The following KRT3 variants were observed in gnomAD, a reference collection of about 807,000 sequenced individuals.
KRT3 encodes keratin 3, also known as keratin, type II cytoskeletal 3.
Under a neutral mutation model 45.8 loss-of-function variants are expected in KRT3, and 34 were observed. The observed-to-expected ratio is 0.74, with a 90% CI of 0.57 to 0.99. KRT3 has a LOEUF of 0.99. Ranked by LOEUF, KRT3 falls within the 50% of genes least tolerant of loss-of-function variation. The pLI is 0.00. For synonymous variants in KRT3, 367 were observed against 329.0 expected (o/e 1.12, Z -1.25); for missense variants, 828 against 820.6 (o/e 1.01, Z -0.11).
chr12:52,794,690 C>T (rs966063364), intron 1 of KRT3, among the ~76,000 whole-genome samples: 8 of 152,186 alleles, frequency 5.3e-5, no homozygotes, highest in East Asian at 1.9e-4. Flanking sequence ...TTTCCACCCA[C>T]GACTCTACTG....
chr12:52,789,774 C>G lies in KRT3; in HGVS notation c.*268G>C, dbSNP rs1939442044. On this transcript the variant is annotated 3_prime_UTR_variant, in exon 9 of 9. Transcript: ENST00000417996. ...TCAGAGCTGTAGTGAGCATCCCACCCAGGGAGGGGACTCCGGGGCAGCAGA... is the reference window on the plus strand; with the variant it reads ...TCAGAGCTGTAGTGAGCATCCCACCGAGGGAGGGGACTCCGGGGCAGCAGA... 2 of 600,758 alleles carry G rather than the reference C, an allele frequency of 3.3e-6. No individual in the cohort carries two copies. Among genetic ancestry groups the G allele is most frequent in the Admixed American group, 2.9e-5 (1 of 34,104 alleles). 37.2% of individuals were successfully genotyped at this position (600,758 alleles called of 1,614,324 possible). A position where few individuals can be genotyped will look rare whatever the true frequency, so the allele number is the denominator to read the frequency against.
rs754776557 is a variant in KRT3, at chr12:52,790,241, C to T, written c.1688G>A (p.Gly563Asp). The T allele has an allele frequency of 1.4e-5, 21 of 1,550,558 alleles. No individual in the cohort carries two copies. In the East Asian group the frequency reaches 4.6e-4, roughly 34 times the overall value. ...TCCACCGCCGCCTCCCCGGCCAAAG[C>T]CACTGCCTGAGCCGCCGCCCGCACT... ...GFSAGGGSGSGFGRGGGGGIG... is the reference protein window; with the variant it reads ...GFSAGGGSGSDFGRGGGGGIG... The change falls in exon 9 of 9, where the codon GGC becomes GAC. Residue 563 changes from glycine (G) to aspartate (D), a missense_variant. Physicochemically the swap from Gly to Asp is moderately conservative, Grantham distance 94. Coordinates refer to ENST00000417996, the MANE Select transcript of KRT3 (RefSeq NM_057088.3).
Position 52,790,205 on chromosome 12 carries a change from C to T in KRT3, c.1724G>A (p.Gly575Glu), listed in dbSNP as rs1012182608. 30 of 1,549,528 alleles carry T rather than the reference C, an allele frequency of 1.9e-5. No individual in the cohort carries two copies. The Admixed American group carries it at 5.9e-4, about 30-fold the overall frequency. The change falls in exon 9 of 9, where the codon GGA (glycine) becomes GAA (glutamate). Residue 575 changes from glycine to glutamate, a missense_variant. Coordinates refer to ENST00000417996, the MANE Select transcript of KRT3 (RefSeq NM_057088.3). ...GRGGGGGIGG[G>E]FGGGSSGFSG... ...GAAACCGCTGCTGCCGCCGCCAAAT[C>T]CACCGCCGATTCCACCGCCGCCTCC...
chr12:52,793,060 G>A (rs1245930802), intron 3 of KRT3, 103 bp downstream of exon 3: 22 of 887,718 alleles, frequency 2.5e-5, no homozygotes, highest in Non-Finnish European at 4.0e-5. Context: ...TTGCTCCAAA[G>A]GCCTGAACTT....
rs996934485 is a variant in KRT3, at chr12:52,790,974, C to G, written c.1536-102G>C. 7 of 1,326,042 alleles carry G rather than the reference C, an allele frequency of 5.3e-6. No individual in the cohort carries two copies. In the African/African-American group the frequency reaches 8.8e-5, roughly 17 times the overall value. 82.1% of individuals were successfully genotyped at this position (1,326,042 alleles called of 1,614,324 possible). Reference sequence around the variant, plus strand: ...TAGCAACCAGAGCTGAACAGAGAAGCCTGGCAAATCAGGTAAGCTTTCTCC... The same window carrying G: ...TAGCAACCAGAGCTGAACAGAGAAGGCTGGCAAATCAGGTAAGCTTTCTCC... On this transcript the variant is annotated intron_variant, in intron 7 of 8. Coordinates refer to ENST00000417996, the MANE Select transcript of KRT3 (RefSeq NM_057088.3).
intron 7 of KRT3, 127 bp downstream of exon 7, chr12:52,791,079 G>A: frequency 2.7e-6 from 4 of 1,461,260 alleles, no homozygotes; most frequent in African/African-American, 1.4e-5. Context: ...GCTGGTAGAG[G>A]CAAATGCTTC....
intron 1 of KRT3, 93 bp from the exon 2 acceptor site, chr12:52,794,424 G>GA (rs1939594204): frequency 2.3e-6 from 2 of 863,296 alleles, no homozygotes; most frequent in South Asian, 1.4e-5. Flanking sequence ...CTATCTCCTG[G>GA]GCCCCCAGCA....
intron 1 of KRT3, among the ~76,000 whole-genome samples, chr12:52,795,101 C>T (rs1421090732): frequency 6.6e-6 from 1 of 152,172 alleles, no homozygotes; most frequent in African/African-American, 2.4e-5. Flanking sequence ...CCTTGGGCTG[C>T]CTGCCCTGCC....
rs1939449646 is a variant in KRT3, at chr12:52,790,094, C to T, written c.1835G>A (p.Gly612Asp). 1.3e-6 allele frequency: 2 copies of T among 1,542,524 alleles called. No homozygotes were observed. Among genetic ancestry groups the T allele is most frequent in the African/African-American group, 1.4e-5 (1 of 72,974 alleles). ...GGAGGACTGGGAGAACTTGATGCTG[C>T]CGCCCCGGTTGCTGGCCGAGCTGAA... ...GGFSSASNRGGSIKFSQSSQS... is the reference protein window; with the variant it reads ...GGFSSASNRGDSIKFSQSSQS... Residue 612 changes from glycine to aspartate, a missense_variant, in exon 9 of 9, where the codon GGC becomes GAC. Transcript: ENST00000417996.
At chr12:52,793,100 T>C (rs549170183) in intron 3 of KRT3, 63 bp downstream of exon 3, 2 of 1,370,788 alleles carry the variant, frequency 1.5e-6, no homozygotes, top group Non-Finnish European at 2.1e-6. Context: ...AGTGAGGAGA[T>C]TCCCCCAACC....
chr12:52,795,840 A>T lies in KRT3; in HGVS notation c.203T>A (p.Ile68Asn), dbSNP rs201564104. 1 of 1,613,996 alleles carries T rather than the reference A, an allele frequency of 6.2e-7. No individual in the cohort carries two copies. The highest frequency in any genetic ancestry group is 1.7e-5 in the Admixed American group (1 of 60,006). The change falls in exon 1 of 9, where the codon ATC (isoleucine) becomes AAC (asparagine). Residue 68 changes from isoleucine to asparagine, a missense_variant. Coordinates refer to ENST00000417996, the MANE Select transcript of KRT3 (RefSeq NM_057088.3). ...YNLGGNKSIS[I>N]SVAAGGSRAG... Reference sequence around the variant, plus strand: ...CCGGGAGCCGCCAGCTGCCACGCTGATGGAGATGCTCTTGTTGCCGCCCAG... The same window carrying T: ...CCGGGAGCCGCCAGCTGCCACGCTGTTGGAGATGCTCTTGTTGCCGCCCAG...
chr12:52,790,723 C>T, intron 8 of KRT3, 115 bp downstream of exon 8: 1 of 982,622 alleles, frequency 1.0e-6, no homozygotes, highest in Non-Finnish European at 1.6e-6. Flanking sequence ...CTCTCCTCTC[C>T]CAGAAAACCC....
chr12:52,793,904 C>T (rs1040910655), intron 2 of KRT3, among the ~76,000 whole-genome samples: 4 of 152,170 alleles, frequency 2.6e-5, no homozygotes, highest in African/African-American at 9.7e-5. Flanking sequence ...AACTCATCCT[C>T]TTGCCACAAT....
chr12:52,791,649 C>T (rs1442022492), intron 6 of KRT3, 42 bp downstream of exon 6: 1 of 1,613,258 alleles, frequency 6.2e-7, no homozygotes, highest in African/African-American at 1.3e-5. Context: ...GCCCCTGCCC[C>T]TCAGCAATCA....
In KRT3 at chr12:52,793,170, AG is replaced by A. The variant is rs1193287729; in HGVS notation, c.919del (p.Leu307Ter). 4 of 1,611,288 alleles carry A rather than the reference AG, an allele frequency of 2.5e-6. No homozygotes were observed. The South Asian group carries it at 4.4e-5, about 18-fold the overall frequency. On this transcript the variant is annotated frameshift_variant, in exon 3 of 9. Transcript: ENST00000417996. LOFTEE classifies it high-confidence loss of function. ...RTAAENEFVTLKKDVDSAYMN... is the reference protein window; with the variant it reads ...RTAAENEFVTXKKDVDSAYMN... ...CTCACACACAGCCCTTACCTTCTTC[AG>A]AGTCACAAATTCATTCTCAGCAGCT...
rs755798352 is a variant in KRT3, at chr12:52,795,761, T to G, written c.282A>C (p.Gly94=). Residue 94 remains glycine, a synonymous_variant, in exon 1 of 9, where the codon GGA becomes GGC. Coordinates refer to ENST00000417996, the MANE Select transcript of KRT3 (RefSeq NM_057088.3). ...RSSCAFAGGY[G]GGFGSGYGGG... ...CTCCATAGCCGCTCCCAAAGCCACC[T>G]CCATAGCCACCTGCAAAGGCACAGC... 1 of 1,613,392 alleles carries G rather than the reference T, an allele frequency of 6.2e-7. No homozygotes were observed. Among genetic ancestry groups the G allele is most frequent in the Non-Finnish European group, 8.5e-7 (1 of 1,179,754 alleles).
chr12:52,793,932 A>G (rs1427878498), intron 2 of KRT3, among the ~76,000 whole-genome samples, 179 bp downstream of exon 2: 2 of 152,146 alleles, frequency 1.3e-5, no homozygotes, highest in Admixed American at 6.5e-5. Flanking sequence ...GCAAAGCACC[A>G]TGCTTGGAGA....
intron 1 of KRT3, 133 bp from the exon 2 acceptor site, chr12:52,794,464 C>G: frequency 1.5e-6 from 1 of 653,838 alleles, no homozygotes; most frequent in Non-Finnish European, 2.7e-6. Flanking sequence ...CAAAGATAGG[C>G]TCCTACTGTA....
intron 7 of KRT3, 77 bp from the exon 8 acceptor site, chr12:52,790,949 T>C (rs1194371490): frequency 2.1e-6 from 3 of 1,419,404 alleles, no homozygotes; most frequent in African/African-American, 2.8e-5. Context: ...AGGGCATGAA[T>C]AGCAACCAGA....
Sources: gnomAD v4.1 joint callset for allele counts (sites outside exome capture counted in the v4.1 genomes callset) on GRCh38, gnomAD v4.1.1 for gene constraint, MANE v1.5 for transcripts, NCBI Gene and HGNC (gene_info 2026-07-23, HGNC 2026-07-21) for gene names.